Variants in LDLRAD3 observed in about 807,000 individuals in gnomAD.
The protein encoded by LDLRAD3 is low density lipoprotein receptor class A domain containing 3.
In LDLRAD3, 20 loss-of-function variants were observed where a neutral mutation model predicts 29.4. The observed-to-expected ratio is 0.68, with a 90% confidence interval of 0.48 to 0.99. The LOEUF is 0.99. LDLRAD3 is among the 50% of genes least tolerant of loss of function. The pLI is 0.00. For missense variants in LDLRAD3, 420 were observed against 454.3 expected, an observed-to-expected ratio of 0.92 and a Z score of 0.69; for synonymous variants, 157 against 192.7, an observed-to-expected ratio of 0.81 and a Z score of 1.53.
chr11:35,997,394 T>A, intron 1 of LDLRAD3: 1 of 439,976 alleles, frequency 2.3e-6, no homozygotes, highest in Non-Finnish European at 4.4e-6. Flanking sequence ...AATGTTTTTC[T>A]GTTTCTTTCC....
At chr11:36,032,104 C>T (rs1043832499) in intron 1 of LDLRAD3, among the ~76,000 whole-genome samples, 2 of 152,148 alleles carry the variant, frequency 1.3e-5, no homozygotes, top group African/African-American at 2.4e-5. Context: ...GGAATTAGGG[C>T]CCACCCTAAT....
chr11:35,988,972 A>G (rs938376114), intron 1 of LDLRAD3: 1 of 152,080 alleles, frequency 6.6e-6, no homozygotes, highest in Non-Finnish European at 1.5e-5. Flanking sequence ...CCAGAATAGT[A>G]TTTCCTACGT....
intron 4 of LDLRAD3, among the ~76,000 whole-genome samples, chr11:36,161,711 C>T (rs1327047055): frequency 6.6e-6 from 1 of 152,090 alleles, no homozygotes; most frequent in Non-Finnish European, 1.5e-5. Flanking sequence ...GGCTTCAGAC[C>T]AGGGAAGTTT....
intron 1 of LDLRAD3, among the ~76,000 whole-genome samples, chr11:35,980,830 C>A (rs1000457100): frequency 2.6e-5 from 4 of 152,136 alleles, no homozygotes; most frequent in African/African-American, 9.7e-5. Flanking sequence ...TGATTTCAGC[C>A]AAGAACAAAG....
intron 4 of LDLRAD3, chr11:36,110,141 CCTTTT>C (rs1182548647): frequency 6.6e-6 from 1 of 152,198 alleles, no homozygotes; most frequent in Non-Finnish European, 1.5e-5. Context: ...ACAAAAGCTT[CCTTTT>C]CTTTAACCAC....
chr11:36,048,736 C>T (rs1342459957), intron 2 of LDLRAD3, among the ~76,000 whole-genome samples: 10 of 152,314 alleles, frequency 6.6e-5, no homozygotes, highest in Non-Finnish European at 2.9e-5. Context: ...GCAAGAATCC[C>T]ACCAGGCCTC....
intron 4 of LDLRAD3, among the ~76,000 whole-genome samples, chr11:36,112,730 G>C (rs1353241710): frequency 6.6e-6 from 1 of 152,202 alleles, no homozygotes; most frequent in East Asian, 1.9e-4. Flanking sequence ...GCTACAGCTG[G>C]GAAAGGCAGA....
intron 4 of LDLRAD3, among the ~76,000 whole-genome samples, chr11:36,217,066 ATTG>A (rs1855362932): frequency 6.6e-6 from 1 of 152,208 alleles, no homozygotes; most frequent in African/African-American, 2.4e-5. Context: ...ACTTCACAGG[ATTG>A]TTGTAAAGAA....
At chr11:36,039,030 C>T (rs1158791637) in intron 2 of LDLRAD3, among the ~76,000 whole-genome samples, 1 of 148,664 alleles carries the variant, frequency 6.7e-6, no homozygotes, top group Non-Finnish European at 1.5e-5. Flanking sequence ...AATGCAGTGG[C>T]GTGATCTCGG....
chr11:36,091,669 T>C (rs1487404813), intron 3 of LDLRAD3, among the ~76,000 whole-genome samples: 1 of 152,182 alleles, frequency 6.6e-6, no homozygotes, highest in Non-Finnish European at 1.5e-5. Context: ...GTGAAATAAA[T>C]ATTGTAAAAT....
chr11:36,143,932 C>T (rs1229903751), intron 4 of LDLRAD3, among the ~76,000 whole-genome samples: 2 of 135,400 alleles, frequency 1.5e-5, no homozygotes, highest in African/African-American at 5.7e-5. Flanking sequence ...CCCCCTCCCC[C>T]TCCCCCTCCC....
intron 1 of LDLRAD3, among the ~76,000 whole-genome samples, chr11:36,019,418 C>T (rs574678514): frequency 3.4e-4 from 51 of 152,166 alleles, no homozygotes; most frequent in Non-Finnish European, 6.0e-4. Flanking sequence ...AGTCTTGCTT[C>T]GTGTGGAGCC....
At chr11:36,069,351 G>A (rs1852854779) in intron 2 of LDLRAD3, among the ~76,000 whole-genome samples, 1 of 152,162 alleles carries the variant, frequency 6.6e-6, no homozygotes, top group Non-Finnish European at 1.5e-5. Flanking sequence ...CAACCATGAA[G>A]TCATTTTCAA....
At chr11:36,052,461 T>C (rs1293935935) in intron 2 of LDLRAD3, among the ~76,000 whole-genome samples, 2 of 152,206 alleles carry the variant, frequency 1.3e-5, no homozygotes, top group African/African-American at 4.8e-5. Flanking sequence ...AATAAGATTA[T>C]ATCCCTGTTA....
intron 1 of LDLRAD3, among the ~76,000 whole-genome samples, chr11:35,964,093 A>G (rs140517219): frequency 6.6e-6 from 1 of 152,334 alleles, no homozygotes; most frequent in East Asian, 1.9e-4. Flanking sequence ...TATGCAGTGT[A>G]TTTGGGAAGC....
intron 1 of LDLRAD3, among the ~76,000 whole-genome samples, chr11:35,957,810 AAAAAAG>A (rs1590682796): frequency 6.8e-6 from 1 of 147,866 alleles, no homozygotes; most frequent in African/African-American, 2.5e-5. Flanking sequence ...AAAAAAAAAA[AAAAAAG>A]AAAAGAAAAG....
intron 1 of LDLRAD3, among the ~76,000 whole-genome samples, chr11:35,986,490 G>A (rs1275669452): frequency 6.6e-6 from 1 of 152,204 alleles, no homozygotes. Context: ...GTCAGGGTAG[G>A]AGAGGTCTGT....
At chr11:36,124,403 G>C (rs1258948365) in intron 4 of LDLRAD3, among the ~76,000 whole-genome samples, 1 of 152,142 alleles carries the variant, frequency 6.6e-6, no homozygotes, top group Non-Finnish European at 1.5e-5. Flanking sequence ...AACCCTATAA[G>C]GTAGGTATTC....
At chr11:36,183,696 G>A (rs1854800552) in intron 4 of LDLRAD3, among the ~76,000 whole-genome samples, 1 of 152,166 alleles carries the variant, frequency 6.6e-6, no homozygotes, top group African/African-American at 2.4e-5. Flanking sequence ...GTTTTAATAA[G>A]CTCCAAAGGT....
Sources: allele counts gnomAD v4.1 joint callset (sites outside exome capture counted in the v4.1 genomes callset), GRCh38; gene constraint gnomAD v4.1.1; transcripts MANE v1.5; gene names NCBI Gene and HGNC (gene_info 2026-07-23, HGNC 2026-07-21).